HEG1: variants seen among roughly 807,000 people sequenced by gnomAD.
HEG1 encodes the protein protein HEG homolog 1.
A neutral mutation model predicts 125.6 loss-of-function variants in HEG1; 56 were observed. The observed-to-expected ratio is 0.45, with a 90% CI of 0.36 to 0.56. HEG1 has a LOEUF of 0.56. Among genes scored for constraint, HEG1 ranks in the 20% least tolerant of loss-of-function variants. The pLI is 0.00. For synonymous variants in HEG1, 644 were observed against 668.5 expected (o/e 0.96, Z 0.57); for missense variants, 1,523 against 1,670.0 (o/e 0.91, Z 1.53).
chr3:125,008,632 T>C (rs760347648), intron 8 of HEG1, among the ~76,000 whole-genome samples: 1 of 152,070 alleles, frequency 6.6e-6, no homozygotes, highest in Non-Finnish European at 1.5e-5. Context: ...GCCCCTTCTA[T>C]ACTAAAAATA....
chr3:125,047,921 CT>C (rs1276968383), intron 1 of HEG1, among the ~76,000 whole-genome samples: 7 of 152,208 alleles, frequency 4.6e-5, no homozygotes, highest in African/African-American at 1.4e-4. Context: ...TCTTCCTCCC[CT>C]ATCTTCATTT....
intron 11 of HEG1, among the ~76,000 whole-genome samples, chr3:125,000,918 C>T (rs1019982759): frequency 2.0e-5 from 3 of 152,222 alleles, no homozygotes; most frequent in Admixed American, 6.5e-5. Flanking sequence ...TCATGTAGCA[C>T]GTGGCAACAG....
At position 125,055,789 on chromosome 3, in the gene HEG1, C is replaced by A. The variant is rs1445833929; in HGVS notation, c.102G>T (p.Pro34=). The A allele has an allele frequency of 1.0e-6, 1 of 988,390 alleles. No individual in the cohort carries two copies. The highest frequency in any genetic ancestry group is 1.2e-6 in the Non-Finnish European group (1 of 832,296). 61.2% of individuals were successfully genotyped at this position (988,390 alleles called of 1,614,324 possible). A position where few individuals can be genotyped will look rare whatever the true frequency, so the allele number is the denominator to read the frequency against. The change falls in exon 1 of 17, where the codon CCG becomes CCT. Residue 34 remains proline, a synonymous_variant. Transcript: ENST00000311127. ...TCAGCGCGCGGCGAGCCGGGGAAGG[C>A]GGCGGGTCCCGCGTCCCGGGGGCCG... ...PPAAPGTRDP[P]PSPARRALSL... is the part of the protein sequence containing the mutation.
At chr3:125,028,422 C>T (rs1044841166) in intron 2 of HEG1, among the ~76,000 whole-genome samples, 2 of 152,206 alleles carry the variant, frequency 1.3e-5, no homozygotes, top group Non-Finnish European at 2.9e-5. Context: ...CCCAAGGGAG[C>T]CTGCTGGCCT....
chr3:124,998,560 A>C (rs1438224423), intron 11 of HEG1, among the ~76,000 whole-genome samples: 3 of 152,234 alleles, frequency 2.0e-5, no homozygotes, highest in Non-Finnish European at 4.4e-5. Context: ...GTCACTGACC[A>C]GGCAGAGAGA....
rs1482947948 is a variant in HEG1 at position 124,968,780 on chromosome 3, T to A, written c.*1872A>T. On this transcript the variant is annotated 3_prime_UTR_variant, in exon 17 of 17. Transcript: ENST00000311127. ...AGGAGCTCAGAACTCTCCAGTTAGG[T>A]GCGAGGCCGTGAGCCACAAAGGGCC... The A allele has an allele frequency of 6.6e-6, 1 of 152,026 alleles. No homozygotes were observed. The highest frequency in any genetic ancestry group is 1.5e-5 in the Non-Finnish European group (1 of 68,004). The allele number at this position is 152,026 out of a possible 1,614,324, so 9.4% of individuals were successfully genotyped here.
intron 8 of HEG1, among the ~76,000 whole-genome samples, chr3:125,008,046 A>G (rs1359203530): frequency 6.6e-6 from 1 of 152,076 alleles, no homozygotes; most frequent in Non-Finnish European, 1.5e-5. Flanking sequence ...AATAGCTAGG[A>G]CCACAGGTGT....
intron 14 of HEG1, among the ~76,000 whole-genome samples, chr3:124,978,223 C>G (rs1011560133): frequency 1.3e-5 from 2 of 152,214 alleles, no homozygotes; most frequent in African/African-American, 4.8e-5. Context: ...TCTCAGCTCA[C>G]TGCAACCTCC....
chr3:124,990,052 T>A (rs1016126154), intron 14 of HEG1, among the ~76,000 whole-genome samples: 1 of 152,074 alleles, frequency 6.6e-6, no homozygotes, highest in African/African-American at 2.4e-5. Context: ...TCTAAGTTGC[T>A]CCCTCTGCCT....
chr3:124,987,741 C>CA (rs1056488168), intron 14 of HEG1, among the ~76,000 whole-genome samples: 20 of 150,704 alleles, frequency 1.3e-4, no homozygotes, highest in Admixed American at 6.6e-4. Context: ...AGGACGGTCT[C>CA]AATCTCCTGA....
Position 125,021,024 on chromosome 3 carries a change from C to G in HEG1, c.1020G>C (p.Pro340=). 1 of 1,613,348 alleles carries G rather than the reference C, an allele frequency of 6.2e-7. No homozygotes were observed. Among genetic ancestry groups the G allele is most frequent in the Non-Finnish European group, 8.5e-7 (1 of 1,179,676 alleles). The change falls in exon 4 of 17, where the codon CCG becomes CCC. Residue 340 remains proline (P), a synonymous_variant. Coordinates refer to ENST00000311127, the MANE Select transcript of HEG1 (RefSeq NM_020733.2). ...TGACCGTCAAAGATCGCAGCGTTCT[C>G]GGGCCACCATCAGTGAACACGGTGG... ...HVATVFTDGG[P]RTLRSLTVSL...
intron 3 of HEG1, among the ~76,000 whole-genome samples, chr3:125,025,147 C>T (rs951938510): frequency 2.4e-4 from 36 of 152,192 alleles, no homozygotes; most frequent in African/African-American, 8.7e-4. Context: ...AGTAATGTCT[C>T]AACATTTAGA....
intron 1 of HEG1, among the ~76,000 whole-genome samples, chr3:125,041,699 C>T (rs1028561833): frequency 6.6e-6 from 1 of 152,190 alleles, no homozygotes; most frequent in Admixed American, 6.5e-5. Context: ...AGCAACCCAG[C>T]TGTCTATCAG....
Position 125,055,771 on chromosome 3 carries a change from G to T in HEG1, c.120C>A (p.Arg40=). 1 of 998,852 alleles carries T rather than the reference G, an allele frequency of 1.0e-6. No individual in the cohort carries two copies. Among genetic ancestry groups the T allele is most frequent in the Non-Finnish European group, 1.2e-6 (1 of 840,310 alleles). The allele number at this position is 998,852 out of a possible 1,614,324, so 61.9% of individuals were successfully genotyped here. A position where few individuals can be genotyped will look rare whatever the true frequency, so the allele number is the denominator to read the frequency against. Reference sequence around the variant, plus strand: ...CCGCGAGGGGCGCCAGGCTCAGCGCGCGGCGAGCCGGGGAAGGCGGCGGGT... The same window carrying T: ...CCGCGAGGGGCGCCAGGCTCAGCGCTCGGCGAGCCGGGGAAGGCGGCGGGT... The part of the protein sequence containing the change: ...TRDPPPSPAR[R]ALSLAPLAGA... The change falls in exon 1 of 17, where the codon CGC becomes CGA. Residue 40 remains arginine, a synonymous_variant. Coordinates refer to ENST00000311127, the MANE Select transcript of HEG1 (RefSeq NM_020733.2).
At chr3:124,996,152 T>G (rs755920952) in intron 12 of HEG1, among the ~76,000 whole-genome samples, 1 of 152,002 alleles carries the variant, frequency 6.6e-6, no homozygotes, top group Admixed American at 6.6e-5. Flanking sequence ...TGGTGTGATT[T>G]CGGCTCACTG....
chr3:125,052,492 G>A (rs186877822), intron 1 of HEG1, among the ~76,000 whole-genome samples: 191 of 152,238 alleles, frequency 1.3e-3, no homozygotes, highest in Admixed American at 1.6e-3. Context: ...TTTCCCCTTT[G>A]GGTGGGAAAG....
intron 2 of HEG1, among the ~76,000 whole-genome samples, chr3:125,027,788 C>T (rs1240520311): frequency 1.3e-5 from 2 of 152,162 alleles, no homozygotes; most frequent in Admixed American, 1.3e-4. Flanking sequence ...AGGGTCTGAT[C>T]ATCAGGACCC....
chr3:125,027,457 T>G lies in HEG1; in HGVS notation c.661A>C (p.Ile221Leu). Residue 221 changes from isoleucine to leucine, a missense_variant, in exon 3 of 17, where the codon ATT becomes CTT. Ile to Leu is a conservative substitution (Grantham distance 5). Coordinates refer to ENST00000311127, the MANE Select transcript of HEG1 (RefSeq NM_020733.2). ...CCACTCTTTGTTTGAAAAGCGGCAA[T>G]TCTTTCATCGAACTCTGAACTGCTG... ...PSSSSEFDER[I>L]AAFQTKSGTA... The G allele has an allele frequency of 6.2e-7, 1 of 1,613,618 alleles. No homozygotes were observed. Among genetic ancestry groups the G allele is most frequent in the Non-Finnish European group, 8.5e-7 (1 of 1,179,768 alleles).
At chr3:125,014,941 C>G (rs1006745341) in intron 5 of HEG1, 1 of 1,289,104 alleles carries the variant, frequency 7.8e-7, no homozygotes, top group Non-Finnish European at 1.0e-6. Context: ...GAGGGCACCC[C>G]AGAAGTCCTG....
Sources: allele counts gnomAD v4.1 joint callset (sites outside exome capture counted in the v4.1 genomes callset), GRCh38; gene constraint gnomAD v4.1.1; transcripts MANE v1.5; gene names NCBI Gene and HGNC (gene_info 2026-07-23, HGNC 2026-07-21).